Variants in SAMMSON observed in about 807,000 individuals in gnomAD.
SAMMSON encodes the protein long intergenic non-protein coding RNA 1212.
intron 6 of SAMMSON, among the ~76,000 whole-genome samples, chr3:70,257,374 T>C (rs574152339): frequency 3.7e-4 from 57 of 152,294 alleles, no homozygotes; most frequent in Admixed American, 1.4e-3. Context: ...GGAATGTCAG[T>C]AGCCATCATT....
intron 4 of SAMMSON, among the ~76,000 whole-genome samples, chr3:70,091,373 C>G (rs542002368): frequency 6.6e-6 from 1 of 152,274 alleles, no homozygotes; most frequent in African/African-American, 2.4e-5. Flanking sequence ...AACAAGCTTA[C>G]AAGGGCTTCA....
chr3:70,241,798 A>G (rs112091432), intron 4 of SAMMSON, among the ~76,000 whole-genome samples: 4,116 of 152,286 alleles, frequency 0.027, 72 homozygotes, highest in South Asian at 0.065. Flanking sequence ...AAAATATTAT[A>G]CCTATTTTAC....
chr3:70,354,503 C>T (rs895020151), intron 8 of SAMMSON, among the ~76,000 whole-genome samples: 4 of 152,082 alleles, frequency 2.6e-5, no homozygotes, highest in African/African-American at 9.7e-5. Context: ...CAGAATCAAC[C>T]CTTCATTCAG....
intron 6 of SAMMSON, among the ~76,000 whole-genome samples, chr3:70,286,408 A>G (rs1443364642): frequency 4.6e-5 from 7 of 151,790 alleles, no homozygotes; most frequent in African/African-American, 1.5e-4. Context: ...GTTCTGTTCC[A>G]TTGATCTATA....
intron 3 of SAMMSON, among the ~76,000 whole-genome samples, chr3:70,043,567 C>T (rs1398290865): frequency 6.6e-6 from 1 of 152,034 alleles, no homozygotes; most frequent in African/African-American, 2.4e-5. Flanking sequence ...TTTTCAGAAA[C>T]CATCTCCTTA....
chr3:70,306,445 G>A (rs746453031), intron 7 of SAMMSON, among the ~76,000 whole-genome samples: 29 of 152,196 alleles, frequency 1.9e-4, no homozygotes, highest in Middle Eastern at 3.4e-3. Flanking sequence ...GATTGAAGTC[G>A]TCATGTGACT....
At chr3:70,106,684 G>A (rs7632699) in intron 4 of SAMMSON, among the ~76,000 whole-genome samples, 61,658 of 151,786 alleles carry the variant, frequency 0.41, 13,179 homozygotes, top group East Asian at 0.75. Flanking sequence ...CCATGCTGAC[G>A]GTCTCTGGAC....
At position 70,400,614 on chromosome 3, in the gene SAMMSON, G is replaced by T. The variant is rs539419727; in HGVS notation, n.233+42290G>T. Among the ~76,000 whole-genome samples the T allele has an allele frequency of 1.7e-4, 26 of 152,224 alleles. 1 individual carries two copies. In the South Asian group the frequency reaches 5.2e-3, roughly 30 times the overall value. ...TATTTTGTTATAGCAATACTAAATG[G>T]ACTCAGACATGTGGCAAGAATTAGA... On this transcript the variant is annotated intron_variant and non_coding_transcript_variant, in intron 2 of 3. Transcript: ENST00000641053.
At chr3:70,015,982 G>T (rs183678497) in intron 3 of SAMMSON, among the ~76,000 whole-genome samples, 30 of 152,282 alleles carry the variant, frequency 2.0e-4, no homozygotes, top group African/African-American at 7.0e-4. Flanking sequence ...ATTTGGGTTG[G>T]TTGCAAGTCT....
chr3:70,143,849 CA>C (rs1425440565), intron 4 of SAMMSON, among the ~76,000 whole-genome samples: 1 of 152,072 alleles, frequency 6.6e-6, no homozygotes, highest in Non-Finnish European at 1.5e-5. Context: ...TTTGATGTAG[CA>C]ACTGTTTTCT....
intron 3 of SAMMSON, among the ~76,000 whole-genome samples, chr3:70,025,384 A>G (rs2067033316): frequency 6.6e-6 from 1 of 152,120 alleles, no homozygotes; most frequent in African/African-American, 2.4e-5. Flanking sequence ...AGCTGGGATT[A>G]CAAGTTCCCG....
intron 6 of SAMMSON, among the ~76,000 whole-genome samples, chr3:70,264,885 T>C (rs1701901514): frequency 1.3e-5 from 2 of 152,198 alleles, no homozygotes; most frequent in South Asian, 2.1e-4. Context: ...GGGTAATTTA[T>C]ACAGGAAAGA....
chr3:70,351,757 G>A (rs1301138760), intron 7 of SAMMSON, among the ~76,000 whole-genome samples: 4 of 151,852 alleles, frequency 2.6e-5, no homozygotes, highest in Admixed American at 6.6e-5. Context: ...AACCAAGAAC[G>A]AGGCACCCTA....
At chr3:70,202,693 A>G (rs1278024678) in intron 4 of SAMMSON, among the ~76,000 whole-genome samples, 7 of 152,042 alleles carry the variant, frequency 4.6e-5, no homozygotes, top group Admixed American at 2.6e-4. Flanking sequence ...GCCATGACAA[A>G]AACCCCTTTG....
intron 2 of SAMMSON, among the ~76,000 whole-genome samples, chr3:70,415,653 G>A (rs1381141130): frequency 6.6e-6 from 1 of 152,150 alleles, no homozygotes; most frequent in African/African-American, 2.4e-5. Context: ...GTCAGGTGAG[G>A]TCAATCTCCT....
chr3:70,330,687 G>A (rs922262411), intron 7 of SAMMSON, among the ~76,000 whole-genome samples: 1 of 152,078 alleles, frequency 6.6e-6, no homozygotes, highest in Non-Finnish European at 1.5e-5. Flanking sequence ...ACCAAGTGAA[G>A]TATACGGGAG....
chr3:70,073,405 C>G (rs567413869), intron 4 of SAMMSON, among the ~76,000 whole-genome samples: 1 of 152,032 alleles, frequency 6.6e-6, no homozygotes, highest in Non-Finnish European at 1.5e-5. Flanking sequence ...TGGTTCTCTA[C>G]TGGCCCTAGA....
At chr3:70,389,208 T>C (rs1466302478) in intron 9 of SAMMSON, among the ~76,000 whole-genome samples, 3 of 152,102 alleles carry the variant, frequency 2.0e-5, no homozygotes, top group Non-Finnish European at 4.4e-5. Flanking sequence ...CCTCTTTCCT[T>C]TATAAACTAC....
In SAMMSON at chr3:70,170,128, C is replaced by T. The variant is rs116176016; in HGVS notation, n.508-78979C>T. The stretch of plus-strand genomic sequence containing the variant: ...AAGTAAAATGGTTTTAGAAGACTAC[C>T]GGGAGTTTTATGATTTTATAGTTAA... On this transcript the variant is annotated intron_variant and non_coding_transcript_variant, in intron 4 of 9. Transcript: ENST00000642114. 3.7e-3 allele frequency among the ~76,000 whole-genome samples: 557 copies of T among 151,862 alleles called. 3 individuals are homozygous for T. The highest frequency in any genetic ancestry group is 0.012 in the African/African-American group (516 of 41,446).
Sources: allele counts gnomAD v4.1 joint callset (sites outside exome capture counted in the v4.1 genomes callset), GRCh38; gene constraint gnomAD v4.1.1; transcripts MANE v1.5; gene names NCBI Gene and HGNC (gene_info 2026-07-23, HGNC 2026-07-21).